Variants in KCNQ5 observed in about 807,000 individuals in gnomAD.
KCNQ5 encodes the protein potassium voltage-gated channel subfamily KQT member 5.
Under a neutral mutation model 98.2 loss-of-function variants are expected in KCNQ5, and 30 were observed. The ratio of observed to expected loss-of-function variants is 0.31; its 90% CI spans 0.23 to 0.41. The LOEUF is 0.41. KCNQ5 is among the 10% of genes least tolerant of loss of function. The pLI is 1.00. For synonymous variants in KCNQ5, 458 were observed against 449.4 expected, an observed-to-expected ratio of 1.02 and a Z score of -0.24; for missense variants, 835 against 1,182.5, an observed-to-expected ratio of 0.71 and a Z score of 4.31.
At chr6:73,024,884 C>A (rs1021745221) in intron 2 of KCNQ5, among the ~76,000 whole-genome samples, 1 of 152,214 alleles carries the variant, frequency 6.6e-6, no homozygotes, top group Non-Finnish European at 1.5e-5. Flanking sequence ...TGCCCACCTT[C>A]CCACCAGCAC....
Position 72,902,336 on chromosome 6 carries a change from T to G in KCNQ5, c.399-101572T>G, listed in dbSNP as rs551184156. ...TAATGATTTGGATGTTCTTTATTTC[T>G]TTCTCTTGTCTGATCGCTCTGGCTA... On this transcript the variant is annotated intron_variant, in intron 1 of 13. Transcript: ENST00000370398. Among the ~76,000 whole-genome samples, 4 of 152,334 alleles carry G rather than the reference T, an allele frequency of 2.6e-5. No individual in the cohort carries two copies. In the East Asian group the frequency reaches 5.8e-4, roughly 22 times the overall value.
intron 1 of KCNQ5, among the ~76,000 whole-genome samples, chr6:72,973,123 G>A (rs1428382357): frequency 2.0e-5 from 3 of 152,182 alleles, no homozygotes; most frequent in Non-Finnish European, 4.4e-5. Context: ...CAAATGGGTT[G>A]AAAAATGAGT....
chr6:72,960,210 A>G (rs1373477732), intron 1 of KCNQ5, among the ~76,000 whole-genome samples: 2 of 152,350 alleles, frequency 1.3e-5, no homozygotes, highest in East Asian at 3.9e-4. Context: ...CCATCACAGT[A>G]TCACTAGCAC....
At chr6:73,186,052 C>T (rs1778559294) in intron 11 of KCNQ5, among the ~76,000 whole-genome samples, 1 of 151,502 alleles carries the variant, frequency 6.6e-6, no homozygotes, top group Admixed American at 6.6e-5. Flanking sequence ...TAGGGAGACC[C>T]CCCCTATCTC....
At chr6:72,785,418 G>A (rs1014753146) in intron 1 of KCNQ5, among the ~76,000 whole-genome samples, 2 of 152,090 alleles carry the variant, frequency 1.3e-5, no homozygotes, top group Non-Finnish European at 2.9e-5. Flanking sequence ...GGAGGCCGAG[G>A]CGGGTGGATC....
intron 10 of KCNQ5, among the ~76,000 whole-genome samples, chr6:73,157,350 G>A (rs1466634293): frequency 1.3e-5 from 2 of 152,126 alleles, no homozygotes; most frequent in African/African-American, 2.4e-5. Context: ...GGAGGAAGGG[G>A]AAACAGGAAG....
intron 1 of KCNQ5, among the ~76,000 whole-genome samples, chr6:72,771,694 A>G (rs1396450312): frequency 7.6e-6 from 1 of 131,870 alleles, no homozygotes; most frequent in Non-Finnish European, 1.7e-5. Flanking sequence ...GTATAACATC[A>G]TGTTCTATAC....
At chr6:73,129,750 T>G (rs1340177289) in intron 9 of KCNQ5, 12 of 1,550,730 alleles carry the variant, frequency 7.7e-6, no homozygotes, top group Admixed American at 3.5e-5. Context: ...TTCCTATTCG[T>G]GAAATGCTTA....
At chr6:72,836,836 C>T (rs1444973275) in intron 1 of KCNQ5, among the ~76,000 whole-genome samples, 1 of 152,070 alleles carries the variant, frequency 6.6e-6, no homozygotes, top group Non-Finnish European at 1.5e-5. Context: ...CAGAGCTGGG[C>T]CTGTTTTATC....
intron 1 of KCNQ5, among the ~76,000 whole-genome samples, chr6:72,936,413 C>T (rs1469315395): frequency 2.6e-5 from 4 of 152,074 alleles, no homozygotes; most frequent in South Asian, 2.1e-4. Flanking sequence ...GAGCACAATA[C>T]GATGCCTGAT....
chr6:72,912,012 C>A (rs117840567), intron 1 of KCNQ5, among the ~76,000 whole-genome samples: 9 of 152,202 alleles, frequency 5.9e-5, no homozygotes, highest in South Asian at 2.1e-4. Context: ...TCACTGCAAG[C>A]TTCAAATATA....
intron 1 of KCNQ5, among the ~76,000 whole-genome samples, chr6:72,884,063 A>G (rs1778757202): frequency 1.3e-5 from 2 of 152,224 alleles, no homozygotes; most frequent in Admixed American, 6.5e-5. Flanking sequence ...GATGAGATTA[A>G]TCTCTGCCAC....
chr6:72,881,508 G>C (rs2150173290), intron 1 of KCNQ5, among the ~76,000 whole-genome samples: 1 of 152,164 alleles, frequency 6.6e-6, no homozygotes, highest in African/African-American at 2.4e-5. Context: ...TGACAAGCAT[G>C]ATAAGATAGT....
At chr6:73,036,385 C>CAAAAAAA (rs70994156) in intron 2 of KCNQ5, among the ~76,000 whole-genome samples, 2 of 78,532 alleles carry the variant, frequency 2.5e-5, no homozygotes, top group African/African-American at 1.2e-4. Flanking sequence ...GACTCTGTCT[C>CAAAAAAA]AAAAAAAAAA....
At position 72,937,582 on chromosome 6, in the gene KCNQ5, G is replaced by T. The variant is rs552816806; in HGVS notation, c.399-66326G>T. Among the ~76,000 whole-genome samples the T allele has an allele frequency of 1.1e-3, 165 of 151,932 alleles. 2 individuals carry two copies. The highest frequency in any genetic ancestry group is 3.9e-3 in the African/African-American group (160 of 41,416). On this transcript the variant is annotated intron_variant, in intron 1 of 13. Transcript: ENST00000370398. ...AATAATTCTTTCCTATATCAGTTTG[G>T]CTATGTAAAAGCAGGTGGATTGTGC... is the stretch of plus-strand genomic sequence containing the variant.
chr6:72,964,941 TTA>T, intron 1 of KCNQ5, among the ~76,000 whole-genome samples: 1 of 107,504 alleles, frequency 9.3e-6, no homozygotes, highest in Non-Finnish European at 2.5e-5. Flanking sequence ...CGTGCTTTTT[TTA>T]AAAAAAAATT....
At chr6:72,723,403 C>G (rs1293071571) in intron 1 of KCNQ5, among the ~76,000 whole-genome samples, 33 of 152,030 alleles carry the variant, frequency 2.2e-4, no homozygotes, top group Admixed American at 2.2e-3. Flanking sequence ...CTATTCTATA[C>G]TATGAATCTT....
chr6:72,670,947 G>A (rs751823278), intron 1 of KCNQ5, among the ~76,000 whole-genome samples: 1 of 152,064 alleles, frequency 6.6e-6, no homozygotes, highest in Non-Finnish European at 1.5e-5. Flanking sequence ...TTATATTGGG[G>A]GTTGGATATT....
chr6:73,186,586 C>T (rs1020673523), intron 11 of KCNQ5, among the ~76,000 whole-genome samples: 9 of 152,004 alleles, frequency 5.9e-5, no homozygotes, highest in African/African-American at 1.5e-4. Flanking sequence ...ATTGAGAAGA[C>T]GAGCAATATT....
Sources: gnomAD v4.1 joint callset for allele counts (sites outside exome capture counted in the v4.1 genomes callset) on GRCh38, gnomAD v4.1.1 for gene constraint, MANE v1.5 for transcripts, NCBI Gene and HGNC (gene_info 2026-07-23, HGNC 2026-07-21) for gene names.